Variants in SEZ6 observed in about 807,000 individuals in gnomAD.
The protein encoded by SEZ6 is seizure related 6 homolog.
SEZ6 carries 53 observed loss-of-function variants against 101.0 expected under a neutral mutation model. That is an observed-to-expected ratio of 0.52 (90% CI 0.42 to 0.66). The LOEUF is 0.66. Ranked by LOEUF, SEZ6 falls within the 30% of genes least tolerant of loss-of-function variation. The probability of loss-of-function intolerance (pLI) is 0.00; values close to 1 mark genes in which losing one functional copy is unlikely to be tolerated. For missense variants in SEZ6, 1,102 were observed against 1,289.4 expected (o/e 0.85, Z 2.23); for synonymous variants, 488 against 512.2 (o/e 0.95, Z 0.64).
Position 28,959,215 on chromosome 17 carries a change from G to T in SEZ6, c.1917C>A (p.Arg639=). Residue 639 remains arginine, a synonymous_variant, in exon 10 of 17, where the codon CGC becomes CGA. Transcript: ENST00000317338. This position sits in a 1 kb window ranked among gnomAD's most constrained non-coding sequence, Gnocchi z 4.4. Reference sequence around the variant, plus strand: ...AGGTAAGCACATCACCAGGGCCTATGCGCAGCCTGTGAAGGAGGAGCGTCA... The same window carrying T: ...AGGTAAGCACATCACCAGGGCCTATTCGCAGCCTGTGAAGGAGGAGCGTCA... ...KRIMLDIRVL[R]IGPGDVLTFY... is the part of the protein sequence containing the mutation. The T allele has an allele frequency of 6.2e-7, 1 of 1,612,772 alleles. No individual in the cohort carries two copies. The highest frequency in any genetic ancestry group is 2.2e-5 in the East Asian group (1 of 44,860).
chr17:28,957,292 G>C, intron 12 of SEZ6, 50 bp from the exon 13 acceptor site: 1 of 1,611,364 alleles, frequency 6.2e-7, no homozygotes, highest in Non-Finnish European at 8.5e-7. Flanking sequence ...TGGCCTCCAG[G>C]GCAGCATCTT....
intron 3 of SEZ6, 113 bp downstream of exon 3, chr17:28,979,567 G>A: frequency 6.8e-7 from 1 of 1,476,350 alleles, no homozygotes; most frequent in Non-Finnish European, 9.3e-7. Flanking sequence ...CTTAGGCGAT[G>A]CCCCACAATT....
chr17:28,961,811 G>T (rs2040982699), intron 5 of SEZ6, among the ~76,000 whole-genome samples: 1 of 152,200 alleles, frequency 6.6e-6, no homozygotes, highest in South Asian at 2.1e-4. Context: ...TGGACACATA[G>T]CTCTGACCTA....
chr17:28,965,234 C>A (rs2041046371), intron 4 of SEZ6, among the ~76,000 whole-genome samples: 1 of 152,078 alleles, frequency 6.6e-6, no homozygotes, highest in Non-Finnish European at 1.5e-5. Flanking sequence ...CGCCTGTAAT[C>A]CCAGCTACTC....
At chr17:28,995,779 G>C (rs2041529072) in intron 1 of SEZ6, among the ~76,000 whole-genome samples, 1 of 152,194 alleles carries the variant, frequency 6.6e-6, no homozygotes, top group African/African-American at 2.4e-5. Context: ...GACCCAGGGT[G>C]AAGGCTCAAG....
intron 3 of SEZ6, among the ~76,000 whole-genome samples, chr17:28,973,204 A>G (rs2041177894): frequency 6.6e-6 from 1 of 152,210 alleles, no homozygotes; most frequent in African/African-American, 2.4e-5. Flanking sequence ...AGAGAAGCTA[A>G]GGAACTTGCA....
intron 4 of SEZ6, among the ~76,000 whole-genome samples, chr17:28,966,319 C>CA (rs35028548): frequency 0.18 from 22,615 of 127,208 alleles, 2,055 homozygotes; most frequent in East Asian, 0.38. Context: ...ACTAAAAATA[C>CA]AAAAAAAAAA....
At chr17:28,961,893 A>G (rs1461535851) in intron 5 of SEZ6, among the ~76,000 whole-genome samples, 2 of 152,174 alleles carry the variant, frequency 1.3e-5, no homozygotes, top group Non-Finnish European at 1.5e-5. Flanking sequence ...AAGGCAGCAG[A>G]ATATTGTAAC....
intron 3 of SEZ6, among the ~76,000 whole-genome samples, chr17:28,977,462 A>G (rs1001638534): frequency 2.0e-5 from 3 of 152,254 alleles, no homozygotes; most frequent in Non-Finnish European, 2.9e-5. Context: ...CCTGACAGCA[A>G]TCCAGGGCTG....
chr17:28,972,861 AG>A (rs768847313), intron 3 of SEZ6, among the ~76,000 whole-genome samples: 1 of 152,244 alleles, frequency 6.6e-6, no homozygotes, highest in Non-Finnish European at 1.5e-5. Flanking sequence ...TGCCTGAAGC[AG>A]GTGGGTCTCA....
intron 3 of SEZ6, among the ~76,000 whole-genome samples, chr17:28,975,935 C>G: frequency 6.6e-6 from 1 of 152,212 alleles, no homozygotes; most frequent in East Asian, 1.9e-4. Context: ...AGGCGCCAGG[C>G]CCGGAAAGGC....
intron 1 of SEZ6, among the ~76,000 whole-genome samples, chr17:28,984,632 C>T (rs1320321603): frequency 2.0e-5 from 3 of 152,338 alleles, no homozygotes; most frequent in Admixed American, 6.5e-5. Context: ...GCATATCAAA[C>T]GAGCAAGTTG....
At position 28,958,096 on chromosome 17, in the gene SEZ6, T is replaced by C. The variant is rs753333183; in HGVS notation, c.2153A>G (p.Asn718Ser). The change falls in exon 11 of 17, where the codon AAT becomes AGT. Residue 718 changes from asparagine to serine, a missense_variant. Physicochemically the swap from Asn to Ser is conservative, Grantham distance 46. Coordinates refer to ENST00000317338, the MANE Select transcript of SEZ6 (RefSeq NM_178860.5). ...DTCPELPEIP[N>S]GWKSPSQPEL... ...AGGCTGCGATGGGCTCTTCCAGCCATTGGGGATCTCAGGCAGCTCCGGACA... is the reference window on the plus strand; with the variant it reads ...AGGCTGCGATGGGCTCTTCCAGCCACTGGGGATCTCAGGCAGCTCCGGACA... 6.2e-7 allele frequency: 1 copy of C among 1,607,212 alleles called. No individual in the cohort carries two copies. Among genetic ancestry groups the C allele is most frequent in the Non-Finnish European group, 8.5e-7 (1 of 1,174,332 alleles).
At position 28,955,550 on chromosome 17, in the gene SEZ6, C is replaced by A; in HGVS notation, c.*412G>T. On this transcript the variant is annotated 3_prime_UTR_variant, in exon 17 of 17. Transcript: ENST00000317338. Reference sequence around the variant, plus strand: ...CTGTGAGGAGTACCCTGGTGCAGTTCCCACCATGGTCAAGTTAATCCTGCT... The same window carrying A: ...CTGTGAGGAGTACCCTGGTGCAGTTACCACCATGGTCAAGTTAATCCTGCT... 4.4e-6 allele frequency: 2 copies of A among 450,570 alleles called. No individual in the cohort carries two copies. Among genetic ancestry groups the A allele is most frequent in the Non-Finnish European group, 4.4e-6 (1 of 224,906 alleles). 27.9% of individuals were successfully genotyped at this position (450,570 alleles called of 1,614,324 possible). A position where few individuals can be genotyped will look rare whatever the true frequency, so the allele number is the denominator to read the frequency against.
chr17:28,985,929 G>T (rs1034045897), intron 1 of SEZ6, among the ~76,000 whole-genome samples: 1 of 152,186 alleles, frequency 6.6e-6, no homozygotes, highest in Non-Finnish European at 1.5e-5. Context: ...GATGCACTCC[G>T]CAGTTGCTCA....
intron 11 of SEZ6, 102 bp from the exon 12 acceptor site, chr17:28,957,641 T>C: frequency 7.9e-7 from 1 of 1,269,736 alleles, no homozygotes; most frequent in South Asian, 1.4e-5. Context: ...TCATGTCGTA[T>C]GGGTCTACCC....
At chr17:28,986,086 C>T (rs569693559) in intron 1 of SEZ6, among the ~76,000 whole-genome samples, 95 of 152,298 alleles carry the variant, frequency 6.2e-4, no homozygotes, top group African/African-American at 2.1e-3. Flanking sequence ...CATGGCCCCG[C>T]CGCCGCCTGG....
At chr17:28,957,707 C>T in intron 11 of SEZ6, 168 bp from the exon 12 acceptor site, 3 of 892,390 alleles carry the variant, frequency 3.4e-6, no homozygotes, top group Non-Finnish European at 5.0e-6. Flanking sequence ...GTCCCCTTCC[C>T]ATCTATTAGG....
rs1312290876 is a variant in SEZ6, at chr17:28,957,976, C to T, written c.2273G>A (p.Trp758Ter). Residue 758 changes from tryptophan to a stop codon, truncating the protein, a stop_gained, in exon 11 of 17, where the codon TGG (tryptophan) becomes TAG (stop). Coordinates refer to ENST00000317338, the MANE Select transcript of SEZ6 (RefSeq NM_178860.5). LOFTEE classifies it high-confidence loss of function. ...CTGGCATGAGGGCAGGTCCTCACTC[C>T]AAGTTAGGTCCCACTGGCACATGAG... The part of the protein sequence containing the change: ...SVLMCQWDLT[W>*]SEDLPSCQRV... The T allele has an allele frequency of 2.5e-6, 4 of 1,613,918 alleles. No homozygotes were observed. The highest frequency in any genetic ancestry group is 3.4e-6 in the Non-Finnish European group (4 of 1,179,812).
Sources: allele counts gnomAD v4.1 joint callset (sites outside exome capture counted in the v4.1 genomes callset), GRCh38; gene constraint gnomAD v4.1.1; non-coding constraint Gnocchi (gnomAD v3.1); transcripts MANE v1.5; gene names NCBI Gene and HGNC (gene_info 2026-07-23, HGNC 2026-07-21).